NUP37: variants seen among roughly 807,000 people sequenced by gnomAD.
The protein encoded by NUP37 is nucleoporin Nup37.
In NUP37, 33 loss-of-function variants were observed where a neutral mutation model predicts 45.4. The ratio of observed to expected loss-of-function variants is 0.73; its 90% confidence interval spans 0.55 to 0.97. The LOEUF (loss-of-function observed/expected upper bound fraction) is 0.97. NUP37 is among the 50% of genes least tolerant of loss of function. NUP37 has a pLI of 0.00. For synonymous variants in NUP37, 127 were observed against 130.7 expected (o/e 0.97, Z 0.19); for missense variants, 365 against 389.7 (o/e 0.94, Z 0.53).
chr12:102,103,303 G>C (rs1880027922), intron 3 of NUP37, among the ~76,000 whole-genome samples: 1 of 152,086 alleles, frequency 6.6e-6, no homozygotes, highest in Non-Finnish European at 1.5e-5. Context: ...TCTGTGTACA[G>C]ATCTTTTACC....
At chr12:102,084,209 C>T (rs1879406387) in intron 6 of NUP37, among the ~76,000 whole-genome samples, 1 of 152,220 alleles carries the variant, frequency 6.6e-6, no homozygotes, top group Non-Finnish European at 1.5e-5. Context: ...GTGCCTATCT[C>T]ATGTTCCCAT....
intron 1 of NUP37, chr12:102,119,351 G>C (rs2136780956): frequency 7.1e-6 from 1 of 140,958 alleles, no homozygotes; most frequent in East Asian, 2.4e-4. Flanking sequence ...AACCACCATA[G>C]CACACGTTTT....
At chr12:102,116,259 T>A (rs978871177) in intron 2 of NUP37, among the ~76,000 whole-genome samples, 1 of 152,228 alleles carries the variant, frequency 6.6e-6, no homozygotes, top group African/African-American at 2.4e-5. Flanking sequence ...CATTTCTTAA[T>A]CATAAATGAG....
At chr12:102,107,600 AACCCC>A (rs1203708921) in intron 3 of NUP37, among the ~76,000 whole-genome samples, 2 of 152,230 alleles carry the variant, frequency 1.3e-5, no homozygotes, top group Non-Finnish European at 2.9e-5. Flanking sequence ...GTACATTCAT[AACCCC>A]AAACTGCAAA....
At chr12:102,111,108 C>T (rs1222129371) in intron 3 of NUP37, among the ~76,000 whole-genome samples, 1 of 152,154 alleles carries the variant, frequency 6.6e-6, no homozygotes, top group East Asian at 1.9e-4. Context: ...TCTATTGATA[C>T]ACTGTAATGG....
At chr12:102,102,977 C>T (rs988484486) in intron 3 of NUP37, among the ~76,000 whole-genome samples, 1 of 152,016 alleles carries the variant, frequency 6.6e-6, no homozygotes, top group Admixed American at 6.6e-5. Flanking sequence ...TATGTTAGTA[C>T]CATGCTGTCT....
At chr12:102,092,411 G>A (rs748388835) in intron 5 of NUP37, among the ~76,000 whole-genome samples, 6 of 152,120 alleles carry the variant, frequency 3.9e-5, no homozygotes, top group Non-Finnish European at 8.8e-5. Context: ...GGATTAGCAG[G>A]CACTTTACAA....
At chr12:102,116,623 A>G (rs12423004) in intron 2 of NUP37, among the ~76,000 whole-genome samples, 5,403 of 152,324 alleles carry the variant, frequency 0.035, 389 homozygotes, top group East Asian at 0.29. Context: ...TTCCTCTTAA[A>G]TATGACTATA....
At chr12:102,108,595 C>T (rs1450946242) in intron 3 of NUP37, among the ~76,000 whole-genome samples, 1 of 152,160 alleles carries the variant, frequency 6.6e-6, no homozygotes. Context: ...TTCTAGAGAA[C>T]CCTAATACAT....
chr12:102,092,643 TAAAATATCTG>T (rs990891420), intron 5 of NUP37, among the ~76,000 whole-genome samples: 2 of 152,182 alleles, frequency 1.3e-5, no homozygotes, highest in Non-Finnish European at 2.9e-5. Flanking sequence ...AATTCAGTGC[TAAAATATCTG>T]GTTTTAAGTG....
chr12:102,104,948 T>C (rs1308242573), intron 3 of NUP37, among the ~76,000 whole-genome samples: 4 of 152,222 alleles, frequency 2.6e-5, no homozygotes, highest in African/African-American at 7.2e-5. Context: ...ATCTGAATTT[T>C]AGGATGGCTT....
chr12:102,113,243 C>A (rs750155448), intron 2 of NUP37, among the ~76,000 whole-genome samples: 1 of 152,130 alleles, frequency 6.6e-6, no homozygotes, highest in Non-Finnish European at 1.5e-5. Flanking sequence ...CTAGTGCCTG[C>A]ACAAGGAAGG....
At chr12:102,118,784 A>G (rs943829636) in intron 1 of NUP37, among the ~76,000 whole-genome samples, 6 of 152,236 alleles carry the variant, frequency 3.9e-5, no homozygotes, top group East Asian at 3.8e-4. Context: ...GCTCTTTCCC[A>G]TATCTGTGAT....
intron 5 of NUP37, among the ~76,000 whole-genome samples, chr12:102,091,217 T>C (rs992297434): frequency 6.6e-6 from 1 of 151,192 alleles, no homozygotes; most frequent in Non-Finnish European, 1.5e-5. Context: ...ACCAATATGG[T>C]GAAACCCTGA....
chr12:102,117,484 G>A (rs1880498749), intron 2 of NUP37, among the ~76,000 whole-genome samples: 1 of 151,894 alleles, frequency 6.6e-6, no homozygotes, highest in African/African-American at 2.4e-5. Flanking sequence ...GATAGACAAA[G>A]GATTAACCAG....
intron 5 of NUP37, among the ~76,000 whole-genome samples, chr12:102,088,917 AC>A (rs1879557407): frequency 6.6e-6 from 1 of 151,958 alleles, no homozygotes; most frequent in African/African-American, 2.4e-5. Flanking sequence ...ATGACTCTTA[AC>A]GAGCATGCTG....
intron 2 of NUP37, among the ~76,000 whole-genome samples, chr12:102,116,828 C>T (rs373845578): frequency 2.6e-5 from 4 of 151,862 alleles, no homozygotes; most frequent in Admixed American, 6.6e-5. Context: ...GGTGAAACCC[C>T]GTCTCTACTA....
intron 6 of NUP37, among the ~76,000 whole-genome samples, chr12:102,082,662 A>C (rs1204489061): frequency 6.6e-6 from 1 of 152,204 alleles, no homozygotes; most frequent in Non-Finnish European, 1.5e-5. Flanking sequence ...CAGGCAGTTA[A>C]TTCAAGAGTC....
At chr12:102,093,511 C>G (rs1204901098) in intron 5 of NUP37, among the ~76,000 whole-genome samples, 1 of 151,902 alleles carries the variant, frequency 6.6e-6, no homozygotes, top group Non-Finnish European at 1.5e-5. Flanking sequence ...AAAGAAATAC[C>G]ATATGGTAGT....
Sources: gnomAD v4.1 joint callset for allele counts (sites outside exome capture counted in the v4.1 genomes callset) on GRCh38, gnomAD v4.1.1 for gene constraint, MANE v1.5 for transcripts, NCBI Gene and HGNC (gene_info 2026-07-23, HGNC 2026-07-21) for gene names.